Variants in SMOX observed in about 807,000 individuals in gnomAD.
SMOX encodes the protein spermine oxidase, also known as flavin containing amine oxidase.
In SMOX, 22 loss-of-function variants were observed where a neutral mutation model predicts 51.0. The observed-to-expected ratio is 0.43, with a 90% CI of 0.31 to 0.62. The LOEUF (loss-of-function observed/expected upper bound fraction) is 0.62, where lower values mean the gene tolerates loss of function less well. Ranked by LOEUF, SMOX falls within the 20% of genes least tolerant of loss-of-function variation. The pLI, the probability that SMOX is intolerant of heterozygous loss-of-function variation, is 0.10. For synonymous variants in SMOX, 282 were observed against 307.8 expected, an observed-to-expected ratio of 0.92 and a Z score of 0.88; for missense variants, 566 against 777.7, an observed-to-expected ratio of 0.73 and a Z score of 3.24.
rs965227951 is a variant in SMOX at position 4,177,006 on chromosome 20, C to T, written c.209-345C>T. 3.3e-5 allele frequency among the ~76,000 whole-genome samples: 5 copies of T among 152,148 alleles called. No individual in the cohort carries two copies. Among genetic ancestry groups the T allele is most frequent in the Admixed American group, 2.6e-4 (4 of 15,262 alleles). The stretch of plus-strand genomic sequence containing the variant: ...TGGGGACCCTCAGGTACCCACAGTG[C>T]TTCTCCCCGGTGAGGAGGCACCAGT... On this transcript the variant is annotated intron_variant, in intron 2 of 6. Coordinates refer to ENST00000305958, the MANE Select transcript of SMOX (RefSeq NM_175839.3). The surrounding 1 kb of genome is among the most constrained non-coding windows in gnomAD (Gnocchi z 4.3).
rs1985635726 is a variant in SMOX at position 4,149,724 on chromosome 20, A to G, written c.-27+747A>G. ...TTGAGGGGCCCGCGGAGCTTGCGCC[A>G]GGGGGACTTGGCCCGATGAGATACG... On this transcript the variant is annotated intron_variant, in intron 1 of 6. Transcript: ENST00000305958. The surrounding 1 kb of genome is among the most constrained non-coding windows in gnomAD (Gnocchi z 6.0). 6.6e-6 allele frequency among the ~76,000 whole-genome samples: 1 copy of G among 152,116 alleles called. No homozygotes were observed. The highest frequency in any genetic ancestry group is 2.1e-4 in the South Asian group (1 of 4,826).
At chr20:4,159,604 T>G (rs1288138043) in intron 1 of SMOX, among the ~76,000 whole-genome samples, 1 of 152,178 alleles carries the variant, frequency 6.6e-6, no homozygotes, top group Admixed American at 6.6e-5. Context: ...GTATCTCAGG[T>G]GTATTCAGCT....
chr20:4,171,452 A>T (rs959882217), intron 1 of SMOX, among the ~76,000 whole-genome samples: 1 of 151,864 alleles, frequency 6.6e-6, no homozygotes, highest in African/African-American at 2.4e-5. Context: ...GCTCCATGGG[A>T]TGATATCAGG....
At chr20:4,171,724 C>T (rs1256207870) in intron 1 of SMOX, 1 of 152,264 alleles carries the variant, frequency 6.6e-6, no homozygotes, top group Non-Finnish European at 1.5e-5. Context: ...CTGTGCTGAT[C>T]TTGGAGGCAG....
chr20:4,170,542 C>T lies in SMOX; in HGVS notation c.-26-4488C>T, dbSNP rs1481517361. 6.6e-6 allele frequency among the ~76,000 whole-genome samples: 1 copy of T among 152,094 alleles called. No individual in the cohort carries two copies. Among genetic ancestry groups the T allele is most frequent in the Non-Finnish European group, 1.5e-5 (1 of 68,020 alleles). ...AGCACCATGGTGCCATCTCAGCTCA[C>T]TGCAACTAGAGCGTAAATTTCTGAG... On this transcript the variant is annotated intron_variant, in intron 1 of 6. Transcript: ENST00000305958. The surrounding 1 kb of genome is among the most constrained non-coding windows in gnomAD (Gnocchi z 4.6).
Position 4,177,367 on chromosome 20 carries a change from G to A in SMOX, c.225G>A (p.Glu75=). 6.4e-7 allele frequency: 1 copy of A among 1,552,568 alleles called. No individual in the cohort carries two copies. ...CACCCTCAGGACACGCCACCTTTGA[G>A]CTGGGAGCCACCTGGATCCATGGCT... ...QSVKLGHATF[E]LGATWIHGSH... is the part of the protein sequence containing the mutation. The change falls in exon 3 of 7, where the codon GAG becomes GAA. Residue 75 remains glutamate, a synonymous_variant. Transcript: ENST00000305958. This position sits in a 1 kb window ranked among gnomAD's most constrained non-coding sequence, Gnocchi z 4.3.
chr20:4,156,029 GA>G (rs1986007295), intron 1 of SMOX, among the ~76,000 whole-genome samples: 1 of 152,156 alleles, frequency 6.6e-6, no homozygotes, highest in East Asian at 1.9e-4. Flanking sequence ...GATGGGAGGG[GA>G]TAACATTTCT....
intron 3 of SMOX, among the ~76,000 whole-genome samples, chr20:4,179,715 C>T (rs1420533359): frequency 1.3e-5 from 2 of 152,162 alleles, no homozygotes; most frequent in African/African-American, 4.8e-5. Flanking sequence ...GAATCTTGAG[C>T]AGGTTATTGA....
At chr20:4,186,668 G>A (rs1979758106) in intron 6 of SMOX, 7 of 753,052 alleles carry the variant, frequency 9.3e-6, no homozygotes, top group East Asian at 2.5e-5. Flanking sequence ...GGCTTTCGGC[G>A]CCTTGTGCAA....
chr20:4,158,100 C>A (rs13038461), intron 1 of SMOX, among the ~76,000 whole-genome samples: 76,691 of 145,128 alleles, frequency 0.53, 20,692 homozygotes, highest in Admixed American at 0.57. Flanking sequence ...TGGTGTTTCA[C>A]CTTGTTAGCC....
chr20:4,157,360 G>GAA (rs1257488714), intron 1 of SMOX, among the ~76,000 whole-genome samples: 1 of 152,216 alleles, frequency 6.6e-6, no homozygotes, highest in Non-Finnish European at 1.5e-5. Context: ...AGAGCCAGCA[G>GAA]AAAGCGGCAC....
rs537107907 is a variant in SMOX at position 4,154,213 on chromosome 20, G to A, written c.-27+5236G>A. Among the ~76,000 whole-genome samples, 5 of 152,228 alleles carry A rather than the reference G, an allele frequency of 3.3e-5. No homozygotes were observed. The East Asian group carries it at 9.7e-4, about 29-fold the overall frequency. On this transcript the variant is annotated intron_variant, in intron 1 of 6. Transcript: ENST00000305958. ...AGTAGACCCTGGGGAGCCTTTGAAG[G>A]TTATAGGGCATGGGGGCAATTACTT...
rs563936070 is a variant in SMOX at position 4,164,881 on chromosome 20, C to T, written c.-26-10149C>T. Among the ~76,000 whole-genome samples, 16 of 152,030 alleles carry T rather than the reference C, an allele frequency of 1.1e-4. 1 individual carries two copies. In the East Asian group the frequency reaches 1.9e-3, roughly 18 times the overall value. On this transcript the variant is annotated intron_variant, in intron 1 of 6. Coordinates refer to ENST00000305958, the MANE Select transcript of SMOX (RefSeq NM_175839.3). ...CCAACGTATTCACCAGGGCAGTGAC[C>T]GGCTCTGTGGTGTTTTTTTCTTTAG...
chr20:4,185,454 A>G (rs1201359368), intron 6 of SMOX, among the ~76,000 whole-genome samples: 2 of 149,728 alleles, frequency 1.3e-5, no homozygotes, highest in South Asian at 2.1e-4. Flanking sequence ...TACTAAAAAT[A>G]CAAAATTAGC....
rs977629758 is a variant in SMOX, at chr20:4,164,501, C to T, written c.-26-10529C>T. Among the ~76,000 whole-genome samples the T allele has an allele frequency of 3.3e-5, 5 of 152,164 alleles. 1 individual carries two copies. Among genetic ancestry groups the T allele is most frequent in the Admixed American group, 2.6e-4 (4 of 15,270 alleles). On this transcript the variant is annotated intron_variant, in intron 1 of 6. Transcript: ENST00000305958. ...GGATTCAAATGACTGGTATTCAAAG[C>T]CAGCGTCAGACCCCAGGACCTGTGT...
chr20:4,181,747 T>G lies in SMOX; in HGVS notation c.436-56T>G. ...TGGTGGGTTTGGGTTGGGGGCCTTC[T>G]GTTTGAGATGGAGGTGTGATGAGGT... On this transcript the variant is annotated intron_variant, in intron 3 of 6. Transcript: ENST00000305958. The surrounding 1 kb of genome is among the most constrained non-coding windows in gnomAD (Gnocchi z 5.6). 6.3e-7 allele frequency: 1 copy of G among 1,578,852 alleles called. No homozygotes were observed. Among genetic ancestry groups the G allele is most frequent in the Non-Finnish European group, 8.6e-7 (1 of 1,161,060 alleles).
intron 1 of SMOX, among the ~76,000 whole-genome samples, chr20:4,168,307 GGGA>G (rs1191294941): frequency 6.6e-6 from 1 of 152,226 alleles, no homozygotes; most frequent in Non-Finnish European, 1.5e-5. Flanking sequence ...GGTTGGAGGA[GGGA>G]GGAGGCTGGT....
chr20:4,161,264 G>A (rs1037768807), intron 1 of SMOX, among the ~76,000 whole-genome samples: 2 of 152,172 alleles, frequency 1.3e-5, no homozygotes, highest in Admixed American at 6.5e-5. Context: ...CGTCAGGGCC[G>A]TGCCTGCAGG....
At position 4,187,579 on chromosome 20, in the gene SMOX, C is replaced by A; in HGVS notation, c.*172C>A. ...CCTGTAGCTTTTCTTTTTCTCCAGGCTGGGCCGTGAGCAGGTGGGCCGTTG... is the reference window on the plus strand; with the variant it reads ...CCTGTAGCTTTTCTTTTTCTCCAGGATGGGCCGTGAGCAGGTGGGCCGTTG... On this transcript the variant is annotated 3_prime_UTR_variant, in exon 7 of 7. Transcript: ENST00000305958. The surrounding 1 kb of genome is among the most constrained non-coding windows in gnomAD (Gnocchi z 4.8). 1.0e-6 allele frequency: 1 copy of A among 979,172 alleles called. No individual in the cohort carries two copies. Among genetic ancestry groups the A allele is most frequent in the Non-Finnish European group, 1.5e-6 (1 of 687,976 alleles). The allele number at this position is 979,172 out of a possible 1,614,324, so 60.7% of individuals were successfully genotyped here.
Sources: allele counts gnomAD v4.1 joint callset (sites outside exome capture counted in the v4.1 genomes callset), GRCh38; gene constraint gnomAD v4.1.1; non-coding constraint Gnocchi (gnomAD v3.1); transcripts MANE v1.5; gene names NCBI Gene and HGNC (gene_info 2026-07-23, HGNC 2026-07-21).